RBFOX1: variants seen among roughly 807,000 people sequenced by gnomAD.
RBFOX1 encodes RNA binding fox-1 homolog 1, also known as RNA binding protein fox-1 homolog 1.
In RBFOX1, 8 loss-of-function variants were observed where a neutral mutation model predicts 57.7. That is an observed-to-expected ratio of 0.14 (90% CI 0.08 to 0.25). The LOEUF is 0.25. Ranked by LOEUF, RBFOX1 falls within the 10% of genes least tolerant of loss-of-function variation. RBFOX1 has a pLI of 1.00. For synonymous variants in RBFOX1, 326 were observed against 222.4 expected (o/e 1.47, Z -4.15); for missense variants, 611 against 548.5 (o/e 1.11, Z -1.14).
chr16:7,006,564 C>T (rs1214058014), intron 3 of RBFOX1, among the ~76,000 whole-genome samples: 1 of 152,086 alleles, frequency 6.6e-6, no homozygotes, highest in Non-Finnish European at 1.5e-5. Flanking sequence ...GTCCTCCCAC[C>T]TCACCTTCCT....
At chr16:7,389,392 C>G (rs1014282723) in intron 4 of RBFOX1, among the ~76,000 whole-genome samples, 3 of 152,300 alleles carry the variant, frequency 2.0e-5, no homozygotes, top group African/African-American at 7.2e-5. Flanking sequence ...TCCCAAAGCA[C>G]TTGGATTACA....
intron 4 of RBFOX1, chr16:7,126,612 G>T: frequency 1.2e-5 from 2 of 170,510 alleles, no homozygotes; most frequent in South Asian, 2.8e-4. Context: ...TTTTTGGCAT[G>T]ACTGTTGTTC....
chr16:6,702,818 G>T (rs138355551), intron 3 of RBFOX1, among the ~76,000 whole-genome samples: 2 of 152,184 alleles, frequency 1.3e-5, no homozygotes, highest in Admixed American at 1.3e-4. Context: ...GTAGAGTTCA[G>T]TGGCATTAAA....
At position 7,019,039 on chromosome 16, in the gene RBFOX1, G is replaced by A. The variant is rs1282384331; in HGVS notation, c.-15-33018G>A. Among the ~76,000 whole-genome samples the A allele has an allele frequency of 5.9e-5, 9 of 151,996 alleles. No individual in the cohort carries two copies. The East Asian group carries it at 1.7e-3, about 29-fold the overall frequency. On this transcript the variant is annotated intron_variant, in intron 3 of 15. Transcript: ENST00000550418. ...TTCTTGTTCAGAACTGAAAAAAACTGTTCCTGGTTTCCTAGTTTTTAGAAG... is the reference window on the plus strand; with the variant it reads ...TTCTTGTTCAGAACTGAAAAAAACTATTCCTGGTTTCCTAGTTTTTAGAAG...
At chr16:7,399,380 G>A (rs903062183) in intron 4 of RBFOX1, among the ~76,000 whole-genome samples, 1 of 152,222 alleles carries the variant, frequency 6.6e-6, no homozygotes, top group African/African-American at 2.4e-5. Flanking sequence ...CTGGGAGGCA[G>A]AGGTTGCAGT....
At chr16:7,323,648 A>C (rs1376989049) in intron 4 of RBFOX1, among the ~76,000 whole-genome samples, 1 of 152,196 alleles carries the variant, frequency 6.6e-6, no homozygotes, top group East Asian at 1.9e-4. Context: ...CTTGTTACTA[A>C]TGTACTAGAT....
intron 7 of RBFOX1, among the ~76,000 whole-genome samples, chr16:7,592,442 T>C (rs1355748800): frequency 6.6e-6 from 1 of 152,184 alleles, no homozygotes; most frequent in African/African-American, 2.4e-5. Flanking sequence ...TGGAGTATAA[T>C]GTTGGACAGG....
intron 4 of RBFOX1, among the ~76,000 whole-genome samples, chr16:7,108,185 T>C (rs1459892835): frequency 6.6e-6 from 1 of 152,148 alleles, no homozygotes; most frequent in Non-Finnish European, 1.5e-5. Flanking sequence ...TCTCTGATGG[T>C]TCAGAACAGT....
intron 3 of RBFOX1, among the ~76,000 whole-genome samples, chr16:5,633,644 T>C (rs983267952): frequency 4.6e-5 from 7 of 151,732 alleles, no homozygotes; most frequent in African/African-American, 1.7e-4. Context: ...GAGGTCGAGG[T>C]GGGTGGCTCA....
chr16:7,251,023 A>C (rs2094481338), intron 4 of RBFOX1, among the ~76,000 whole-genome samples: 2 of 152,212 alleles, frequency 1.3e-5, no homozygotes, highest in South Asian at 4.1e-4. Context: ...GAAAACACTT[A>C]AAATCTACTC....
intron 13 of RBFOX1, among the ~76,000 whole-genome samples, chr16:7,674,284 T>G (rs925199058): frequency 2.0e-5 from 3 of 152,236 alleles, no homozygotes; most frequent in Non-Finnish European, 2.9e-5. Flanking sequence ...TCCAATCCTT[T>G]GGCCACCAGT....
intron 3 of RBFOX1, among the ~76,000 whole-genome samples, chr16:6,780,311 A>G (rs867427754): frequency 1.6e-5 from 1 of 61,560 alleles, no homozygotes; most frequent in African/African-American, 8.6e-5. Flanking sequence ...ACATATATAT[A>G]TTTATTCATA....
At chr16:7,178,657 C>CA (rs1224216859) in intron 4 of RBFOX1, among the ~76,000 whole-genome samples, 5 of 152,128 alleles carry the variant, frequency 3.3e-5, no homozygotes, top group African/African-American at 9.7e-5. Flanking sequence ...TGGGGTCAGG[C>CA]ACCTTTTACT....
intron 2 of RBFOX1, among the ~76,000 whole-genome samples, chr16:6,647,982 C>T (rs150997698): frequency 1.8e-4 from 28 of 152,222 alleles, no homozygotes; most frequent in Non-Finnish European, 3.4e-4. Flanking sequence ...GCTGGAATTA[C>T]ACGTGTGTGC....
chr16:7,166,097 T>G (rs539503076), intron 4 of RBFOX1, among the ~76,000 whole-genome samples: 1 of 152,240 alleles, frequency 6.6e-6, no homozygotes, highest in Admixed American at 6.5e-5. Context: ...CACTGTAACT[T>G]CTGCCTCCGG....
At chr16:7,233,358 T>C (rs1487330556) in intron 4 of RBFOX1, among the ~76,000 whole-genome samples, 2 of 152,328 alleles carry the variant, frequency 1.3e-5, no homozygotes, top group East Asian at 3.9e-4. Flanking sequence ...TTCCATGACA[T>C]GTTATTCACG....
intron 1 of RBFOX1, among the ~76,000 whole-genome samples, chr16:6,288,995 C>G (rs1459441454): frequency 1.3e-5 from 2 of 152,048 alleles, no homozygotes; most frequent in African/African-American, 2.4e-5. Context: ...GAAGAGTAAG[C>G]AGGGATTGAG....
At chr16:6,365,232 A>G (rs576470060) in intron 2 of RBFOX1, among the ~76,000 whole-genome samples, 5 of 152,104 alleles carry the variant, frequency 3.3e-5, no homozygotes, top group Non-Finnish European at 7.3e-5. Context: ...AGATGGGTAG[A>G]TGGATGGATA....
intron 1 of RBFOX1, chr16:6,056,892 A>G (rs1302540103): frequency 1.3e-5 from 2 of 151,628 alleles, no homozygotes; most frequent in Non-Finnish European, 2.9e-5. Flanking sequence ...ATACAGAAAG[A>G]ACAAAGACGG....
Sources: gnomAD v4.1 joint callset for allele counts (sites outside exome capture counted in the v4.1 genomes callset) on GRCh38, gnomAD v4.1.1 for gene constraint, MANE v1.5 for transcripts, NCBI Gene and HGNC (gene_info 2026-07-23, HGNC 2026-07-21) for gene names.